The following LRRC37B variants were observed in gnomAD, a reference collection of about 807,000 sequenced individuals.
LRRC37B encodes the protein leucine rich repeat containing 37B.
Under a neutral mutation model 98.3 loss-of-function variants are expected in LRRC37B, and 28 were observed. The observed-to-expected ratio is 0.28, with a 90% CI of 0.21 to 0.39. The LOEUF is 0.39. Among genes scored for constraint, LRRC37B ranks in the 10% least tolerant of loss-of-function variants. The probability of loss-of-function intolerance (pLI) is 1.00; values close to 1 mark genes in which losing one functional copy is unlikely to be tolerated. For missense variants in LRRC37B, 938 were observed against 1,182.7 expected (o/e 0.79, Z 3.03); for synonymous variants, 364 against 442.7 (o/e 0.82, Z 2.23).
At chr17:32,048,931 T>C in intron 9 of LRRC37B, 171 bp from the exon 13 acceptor site, 1 of 1,305,824 alleles carries the variant, frequency 7.7e-7, no homozygotes, top group Non-Finnish European at 1.1e-6. Flanking sequence ...CAAAGACACA[T>C]CTCTGAAAAC....
At chr17:32,017,272 G>T (rs1045790689), upstream of LRRC37B, 1 of 152,140 alleles carries the variant, frequency 6.6e-6, no homozygotes, top group Non-Finnish European at 1.5e-5. Flanking sequence ...TGGTTCTCAG[G>T]GAGTAGATGA....
intron 2 of LRRC37B, among the ~76,000 whole-genome samples, 188 bp from the exon 6 acceptor site, chr17:32,027,578 TGTG>T (rs1202284366): frequency 6.6e-6 from 1 of 151,714 alleles, no homozygotes; most frequent in Non-Finnish European, 1.5e-5. Flanking sequence ...CCTGTGTGTG[TGTG>T]GTGGTGGTGG....
intron 7 of LRRC37B, chr17:32,040,752 T>C: frequency 3.7e-6 from 3 of 816,664 alleles, no homozygotes; most frequent in Non-Finnish European, 6.6e-6. Flanking sequence ...CGAGTCCAAC[T>C]TCAGTGACGC....
intron 11 of LRRC37B, chr17:32,051,886 T>G (rs948663573): frequency 3.3e-5 from 5 of 152,266 alleles, no homozygotes; most frequent in African/African-American, 1.2e-4. Context: ...TACACATCTT[T>G]TGTTAGATAA....
At chr17:32,022,707 T>C in exon 1 of LRRC37B, 1 of 1,614,018 alleles carries the variant, frequency 6.2e-7, no homozygotes. Flanking sequence ...CACCAACATA[T>C]GTGAGCTCTG....
chr17:32,042,013 C>T (rs1284090905), intron 7 of LRRC37B: 6 of 356,528 alleles, frequency 1.7e-5, no homozygotes, highest in African/African-American at 1.3e-4. Flanking sequence ...CACAAGCCTG[C>T]TCCTGGCGAT....
intron 2 of LRRC37B, among the ~76,000 whole-genome samples, chr17:32,027,375 TTGTG>T (rs142638981): frequency 7.3e-6 from 1 of 137,202 alleles, no homozygotes; most frequent in East Asian, 2.2e-4. Flanking sequence ...GTGTGTGTGC[TTGTG>T]TGTGTGTGCT....
upstream of LRRC37B, chr17:32,007,875 G>A (rs561403016): frequency 5.6e-6 from 6 of 1,063,360 alleles, no homozygotes; most frequent in East Asian, 2.6e-4. The surrounding 1 kb of genome is among the most constrained non-coding windows in gnomAD (Gnocchi z 4.1). Flanking sequence ...CGGGCCCGGC[G>A]GGGGCGCGGG....
intron 9 of LRRC37B, 69 bp downstream of exon 12, chr17:32,047,970 T>C: frequency 6.2e-7 from 1 of 1,610,984 alleles, no homozygotes; most frequent in South Asian, 1.1e-5. Flanking sequence ...GCCTTATCTC[T>C]CACTGGGAAA....
In LRRC37B at chr17:32,034,895, C is replaced by T; in HGVS notation, c.2058-15C>T. The T allele has an allele frequency of 1.3e-6, 2 of 1,597,464 alleles. No homozygotes were observed. Among genetic ancestry groups the T allele is most frequent in the Non-Finnish European group, 1.7e-6 (2 of 1,166,404 alleles). ...TTGAAAATGCAGGTAATTTTAATTT[C>T]ATTGCATTTTTCAGAATTCTCAATC... On this transcript the variant is annotated splice_polypyrimidine_tract_variant and intron_variant, in intron 5 of 11. Coordinates refer to ENST00000327564, the Ensembl canonical transcript of LRRC37B.
chr17:32,015,259 A>G (rs1282683571), intron 1 of LRRC37B, among the ~76,000 whole-genome samples: 1 of 152,240 alleles, frequency 6.6e-6, no homozygotes, highest in Non-Finnish European at 1.5e-5. Context: ...TTAATACCAG[A>G]TTGGGACACT....
At chr17:32,011,238 G>A (rs1413730458) in intron 1 of LRRC37B, among the ~76,000 whole-genome samples, 7 of 151,932 alleles carry the variant, frequency 4.6e-5, no homozygotes, top group Admixed American at 3.3e-4. Flanking sequence ...CTCGTGATCC[G>A]CCTGCCTCAG....
intron 3 of LRRC37B, among the ~76,000 whole-genome samples, chr17:32,029,215 A>T (rs1190761279): frequency 6.6e-6 from 1 of 152,022 alleles, no homozygotes; most frequent in Non-Finnish European, 1.5e-5. Context: ...GTTAGCCAGG[A>T]TCTCAATATC....
rs761033621 is a variant in LRRC37B, at chr17:32,021,848, C to T, written c.783C>T (p.Pro261=). 1.9e-5 allele frequency: 31 copies of T among 1,614,022 alleles called. No individual in the cohort carries two copies. The East Asian group carries it at 5.3e-4, about 28-fold the overall frequency. Residue 261 remains proline, a synonymous_variant, in exon 1 of 12, where the codon CCC becomes CCT. Coordinates refer to ENST00000327564, the Ensembl canonical transcript of LRRC37B. ...ATTTGAGTATGGACACACTGTATCC[C>T]GGCAGCCTACCTCCAGAACTCCGGG... is the stretch of plus-strand genomic sequence containing the variant.
Position 32,022,493 on chromosome 17 carries a change from G to A in LRRC37B, c.1428G>A (p.Pro476=), listed in dbSNP as rs747808841. ...AAACCTCAGCTCAGCCTCCAGACCC[G>A]GGGCTTGCCATAACTCCAGAACCCA... Residue 476 remains proline (P), a synonymous_variant, in exon 1 of 12, where the codon CCG becomes CCA. Coordinates refer to ENST00000327564, the Ensembl canonical transcript of LRRC37B. 2.7e-5 allele frequency: 43 copies of A among 1,613,006 alleles called. No individual in the cohort carries two copies. The East Asian group carries it at 3.8e-4, about 14-fold the overall frequency.
Position 32,048,786 on chromosome 17 carries a change from G to A in LRRC37B, c.2465-316G>A, listed in dbSNP as rs1402482061. On this transcript the variant is annotated intron_variant, in intron 9 of 11. Transcript: ENST00000327564. ...GCGAAGAGCCTCATAAATTCGCAAG[G>A]GGTTTTTTCATCCTTAGGAGACCTG... Among the ~76,000 whole-genome samples, 5 of 152,294 alleles carry A rather than the reference G, an allele frequency of 3.3e-5. No homozygotes were observed. In the South Asian group the frequency reaches 8.3e-4, roughly 25 times the overall value.
chr17:32,042,911 A>G (rs1303298959), intron 7 of LRRC37B: 3 of 152,028 alleles, frequency 2.0e-5, no homozygotes, highest in African/African-American at 7.3e-5. Flanking sequence ...AAGCCATGTT[A>G]TGATTGGGAC....
chr17:32,027,525 G>A (rs1036657411), intron 2 of LRRC37B, among the ~76,000 whole-genome samples: 5 of 150,672 alleles, frequency 3.3e-5, no homozygotes, highest in African/African-American at 1.2e-4. Context: ...CTGTGTGTGT[G>A]CTTGTGTGTG....
At chr17:32,044,822 C>T (rs1465708144) in intron 7 of LRRC37B, among the ~76,000 whole-genome samples, 1 of 152,106 alleles carries the variant, frequency 6.6e-6, no homozygotes, top group Admixed American at 6.6e-5. Context: ...CCCAGGGGGT[C>T]GAGGCTGCAG....
Sources: allele counts gnomAD v4.1 joint callset (sites outside exome capture counted in the v4.1 genomes callset), GRCh38; gene constraint gnomAD v4.1.1; non-coding constraint Gnocchi (gnomAD v3.1); transcripts MANE v1.5; gene names NCBI Gene and HGNC (gene_info 2026-07-23, HGNC 2026-07-21).